GEMIN8: variants seen among roughly 807,000 people sequenced by gnomAD.
GEMIN8 encodes gem-associated protein 8.
For missense variants in GEMIN8, 185 were observed against 205.9 expected (o/e 0.90, Z 0.62); for synonymous variants, 80 against 78.5 (o/e 1.02, Z -0.10).
Position 14,021,814 on chromosome X carries a change from G to GTATATATATATATA in GEMIN8, c.-33-317_-33-304dup, listed in dbSNP as rs147147045. On this transcript the variant is annotated intron_variant, in intron 2 of 4. Transcript: ENST00000680255. ...TAAATATTTAGTAGTTAATGTGTGT[G>GTATATATATATATA]TATATATATATATATATATATATAT... Among the ~76,000 whole-genome samples, 444 of 78,083 alleles carry GTATATATATATATA rather than the reference G, an allele frequency of 5.7e-3. 6 individuals carry two copies. Among genetic ancestry groups the GTATATATATATATA allele is most frequent in the African/African-American group, 0.022 (418 of 19,105 alleles). The allele number at this position is 78,083 out of a possible 115,157, so 67.8% of individuals were successfully genotyped here.
intron 4 of GEMIN8, among the ~76,000 whole-genome samples, chrX:14,010,769 C>T (rs970126998): frequency 8.9e-6 from 1 of 112,094 alleles, no homozygotes; most frequent in African/African-American, 3.2e-5. Flanking sequence ...ACAATAAAAG[C>T]TGCGTAACTG....
At chrX:14,028,112 CT>C (rs1924791467) in intron 1 of GEMIN8, among the ~76,000 whole-genome samples, 2 of 112,217 alleles carry the variant, frequency 1.8e-5, no homozygotes, top group African/African-American at 6.5e-5. Context: ...CCATGTTAAT[CT>C]CTCTTTTCTG....
the GEMIN8 span, among the ~76,000 whole-genome samples, chrX:14,001,475 C>CAT: frequency 1.8e-5 from 2 of 111,842 alleles, no homozygotes; most frequent in East Asian, 5.7e-4. Context: ...AGTTCCACAC[C>CAT]ATATCCCATA....
chrX:14,012,275 G>A lies in GEMIN8; in HGVS notation c.473-3106C>T, dbSNP rs528342366. Reference sequence around the variant, plus strand: ...TGGGACTACAGGTGTGTGCCACCACGCCTGGATAATTTTTGTATTTTTTTT... The same window carrying A: ...TGGGACTACAGGTGTGTGCCACCACACCTGGATAATTTTTGTATTTTTTTT... On this transcript the variant is annotated intron_variant, in intron 4 of 4. Coordinates refer to ENST00000680255, the MANE Select transcript of GEMIN8 (RefSeq NM_001042479.2). Among the ~76,000 whole-genome samples, 5 of 102,271 alleles carry A rather than the reference G, an allele frequency of 4.9e-5. No individual in the cohort carries two copies. In the South Asian group the frequency reaches 2.4e-3, roughly 48 times the overall value. 88.8% of individuals were successfully genotyped at this position (102,271 alleles called of 115,157 possible). A position where few individuals can be genotyped will look rare whatever the true frequency, so the allele number is the denominator to read the frequency against.
chrX:14,020,244 G>A lies in GEMIN8; in HGVS notation c.306C>T (p.Tyr102=). The A allele has an allele frequency of 1.7e-6, 2 of 1,211,276 alleles. No individual in the cohort carries two copies. Among genetic ancestry groups the A allele is most frequent in the South Asian group, 3.5e-5 (2 of 56,984 alleles). ...HFRRSGQHPR[Y]SSRIQASTKE... Reference sequence around the variant, plus strand: ...TTGTGGATGCCTGGATCCTACTGCTGTAACGTGGATGCTGCCCAGATCTTC... The same window carrying A: ...TTGTGGATGCCTGGATCCTACTGCTATAACGTGGATGCTGCCCAGATCTTC... Residue 102 remains tyrosine (Y), a synonymous_variant, in exon 4 of 5, where the codon TAC becomes TAT. Coordinates refer to ENST00000680255, the MANE Select transcript of GEMIN8 (RefSeq NM_001042479.2).
intron 1 of GEMIN8, among the ~76,000 whole-genome samples, chrX:14,028,511 G>A (rs1468697967): frequency 1.8e-5 from 2 of 111,548 alleles, no homozygotes; most frequent in African/African-American, 6.5e-5. Flanking sequence ...CTCTTGTAGA[G>A]AAGTTGTTCA....
chrX:14,020,533 G>A lies in GEMIN8; in HGVS notation c.17C>T (p.Ala6Val). The change falls in exon 4 of 5, where the codon GCA becomes GTA. Residue 6 changes from alanine to valine, a missense_variant and splice_region_variant. By Grantham distance (64) the Ala-to-Val change is moderately conservative (BLOSUM62 0). Coordinates refer to ENST00000680255, the MANE Select transcript of GEMIN8 (RefSeq NM_001042479.2). ...AGGCCTGGTAGCTTTCGATGTTGAT[G>A]CCTACAAAATGAAAGGAGGTGGAGG... MAAVK[A>V]STSKATRPWY... 1 of 1,153,381 alleles carries A rather than the reference G, an allele frequency of 8.7e-7. No individual in the cohort carries two copies. The highest frequency in any genetic ancestry group is 1.2e-6 in the Non-Finnish European group (1 of 843,940).
chrX:14,002,362 GATA>G (rs1569341807), downstream of GEMIN8, among the ~76,000 whole-genome samples: 25 of 108,578 alleles, frequency 2.3e-4, no homozygotes, highest in Non-Finnish European at 4.1e-4. Context: ...TAGATAGATA[GATA>G]GATAGATAAA....
intron 4 of GEMIN8, among the ~76,000 whole-genome samples, chrX:14,018,988 A>G (rs1310348108): frequency 9.0e-6 from 1 of 110,949 alleles, no homozygotes; most frequent in Non-Finnish European, 1.9e-5. Context: ...AAAAATCTGA[A>G]CAAGTAGTTT....
At chrX:14,016,086 G>A (rs1029366655) in intron 4 of GEMIN8, among the ~76,000 whole-genome samples, 2 of 111,454 alleles carry the variant, frequency 1.8e-5, no homozygotes, top group Admixed American at 9.5e-5. Context: ...GTGCAAGATC[G>A]GGCCCTGGCA....
At position 14,009,806 on chromosome X, in the gene GEMIN8, C is replaced by A. The variant is rs747374342; in HGVS notation, c.473-637G>T. On this transcript the variant is annotated intron_variant, in intron 4 of 4. Transcript: ENST00000680255. ...CCAGTGTTGCGAGCAGTGCTTACCA[C>A]CATGAATGAGGTGATGTGGGGGGAA... Among the ~76,000 whole-genome samples the A allele has an allele frequency of 7.2e-5, 8 of 111,652 alleles. No individual in the cohort carries two copies. The Admixed American group carries it at 7.6e-4, about 11-fold the overall frequency.
rs1412547695 is a variant in GEMIN8, at chrX:14,007,906, C to T, written c.*1007G>A. On this transcript the variant is annotated 3_prime_UTR_variant, in exon 5 of 5. Coordinates refer to ENST00000680255, the MANE Select transcript of GEMIN8 (RefSeq NM_001042479.2). ...AATGAGATAACAAGAATAAAAATGT[C>T]AGGCAGGTGATTTTCATTCCATGAG... 8.9e-6 allele frequency among the ~76,000 whole-genome samples: 1 copy of T among 111,763 alleles called. No individual in the cohort carries two copies. Among genetic ancestry groups the T allele is most frequent in the Non-Finnish European group, 1.9e-5 (1 of 53,178 alleles).
chrX:14,014,556 C>T (rs1923786106), intron 4 of GEMIN8: 1 of 743,389 alleles, frequency 1.3e-6, no homozygotes. Context: ...ATGAAACACA[C>T]ACGCATGTCA....
intron 1 of GEMIN8, chrX:14,029,295 G>A (rs1924859479): frequency 8.9e-6 from 1 of 112,286 alleles, no homozygotes; most frequent in Non-Finnish European, 1.9e-5. Context: ...TGAGCAGAGA[G>A]GGCAATATCC....
chrX:14,012,468 C>A (rs947691848), intron 4 of GEMIN8, among the ~76,000 whole-genome samples: 4 of 111,087 alleles, frequency 3.6e-5, no homozygotes, highest in African/African-American at 1.3e-4. Flanking sequence ...CTCCTTGCCT[C>A]TCAAGAGATT....
At position 14,029,832 on chromosome X, in the gene GEMIN8, TC is replaced by T. The variant is rs1274671666; in HGVS notation, c.-172del. 8.8e-6 allele frequency: 1 copy of T among 113,033 alleles called. No individual in the cohort carries two copies. Among genetic ancestry groups the T allele is most frequent in the Non-Finnish European group, 1.9e-5 (1 of 53,295 alleles). 9.3% of individuals were successfully genotyped at this position (113,033 alleles called of 1,213,427 possible). ...CGTTGGCCGCGCAGGGGCCTAGTTTTCCTTGGAGAGACAGAGGGGGAGTGGG... is the reference window on the plus strand; with the variant it reads ...CGTTGGCCGCGCAGGGGCCTAGTTTTCTTGGAGAGACAGAGGGGGAGTGGG... On this transcript the variant is annotated 5_prime_UTR_variant, in exon 1 of 5. Coordinates refer to ENST00000680255, the MANE Select transcript of GEMIN8 (RefSeq NM_001042479.2).
At chrX:14,004,703 G>A (rs1223382618), downstream of GEMIN8, among the ~76,000 whole-genome samples, 1 of 112,079 alleles carries the variant, frequency 8.9e-6, no homozygotes, top group Non-Finnish European at 1.9e-5. Flanking sequence ...GACTACAGGT[G>A]CATGGCACCA....
chrX:13,996,408 G>A, the GEMIN8 span, among the ~76,000 whole-genome samples: 8 of 112,032 alleles, frequency 7.1e-5, no homozygotes, highest in East Asian at 1.7e-3. Context: ...ACAGTTCCAC[G>A]TGGCTGGAGA....
At chrX:13,993,596 A>AT in the GEMIN8 span, among the ~76,000 whole-genome samples, 1 of 108,118 alleles carries the variant, frequency 9.2e-6, no homozygotes, top group South Asian at 4.1e-4. Context: ...AACAAAAAAA[A>AT]TTTTTTTTAT....
Sources: gnomAD v4.1 joint callset for allele counts (sites outside exome capture counted in the v4.1 genomes callset) on GRCh38, gnomAD v4.1.1 for gene constraint, MANE v1.5 for transcripts, NCBI Gene and HGNC (gene_info 2026-07-23, HGNC 2026-07-21) for gene names.